QPCT: variants seen among roughly 807,000 people sequenced by gnomAD.
The protein encoded by QPCT is glutaminyl-peptide cyclotransferase, also known as EC.
In QPCT, 44 loss-of-function variants were observed where a neutral mutation model predicts 43.4. That is an observed-to-expected ratio of 1.01 (90% CI 0.80 to 1.30). QPCT has a LOEUF of 1.30. QPCT is among the 50% of genes most tolerant of loss of function. The pLI is 0.00. For missense variants in QPCT, 526 were observed against 436.5 expected (o/e 1.21, Z -1.83); for synonymous variants, 168 against 168.4 (o/e 1.00, Z 0.02).
At chr2:37,352,680 A>T in intron 1 of QPCT, 109 bp from the exon 2 acceptor site, 1 of 1,359,332 alleles carries the variant, frequency 7.4e-7, no homozygotes, top group Non-Finnish European at 1.0e-6. Context: ...CTCATTTGAC[A>T]TAAAGTTCTC....
chr2:37,372,180 A>G (rs1207520846), intron 5 of QPCT, among the ~76,000 whole-genome samples, 176 bp from the exon 6 acceptor site: 1 of 152,122 alleles, frequency 6.6e-6, no homozygotes, highest in Non-Finnish European at 1.5e-5. Context: ...AAGTGTACAC[A>G]TCCCTGTTCA....
chr2:37,372,893 A>C lies in QPCT; in HGVS notation c.*66A>C, dbSNP rs991877032. ...TTCAAAAGTCAAGGCATCATTTAAA[A>C]TAATCTGATTTCAGACAAATGCTGT... is the stretch of plus-strand genomic sequence containing the variant. On this transcript the variant is annotated 3_prime_UTR_variant, in exon 7 of 7. Transcript: ENST00000338415. The C allele has an allele frequency of 7.8e-6, 11 of 1,405,956 alleles. No individual in the cohort carries two copies. The highest frequency in any genetic ancestry group is 1.1e-5 in the Non-Finnish European group (11 of 1,029,864). 87.1% of individuals were successfully genotyped at this position (1,405,956 alleles called of 1,614,324 possible). A position where few individuals can be genotyped will look rare whatever the true frequency, so the allele number is the denominator to read the frequency against.
chr2:37,349,148 A>G (rs541326320), intron 1 of QPCT, among the ~76,000 whole-genome samples: 1 of 152,286 alleles, frequency 6.6e-6, no homozygotes, highest in South Asian at 2.1e-4. Context: ...TCTGTCCTTC[A>G]GTTACTGGGA....
intron 1 of QPCT, among the ~76,000 whole-genome samples, chr2:37,349,359 T>G (rs1435449186): frequency 1.3e-5 from 2 of 152,246 alleles, no homozygotes. Flanking sequence ...ATTAAGCATT[T>G]TTTGGTGCTA....
chr2:37,369,844 T>A, intron 5 of QPCT, 60 bp downstream of exon 5: 1 of 1,417,120 alleles, frequency 7.1e-7, no homozygotes, highest in Admixed American at 1.7e-5. Context: ...AGATACTACA[T>A]TTTTAACATT....
chr2:37,359,268 A>G (rs1672813166), intron 2 of QPCT, among the ~76,000 whole-genome samples: 1 of 152,208 alleles, frequency 6.6e-6, no homozygotes, highest in Admixed American at 6.5e-5. Context: ...TGCATAAGCA[A>G]GGAGAAGATA....
At chr2:37,358,696 G>C (rs1202080291) in intron 2 of QPCT, 1 of 152,228 alleles carries the variant, frequency 6.6e-6, no homozygotes, top group Non-Finnish European at 1.5e-5. Flanking sequence ...GGCCAGCAGA[G>C]ATGGGGAAAG....
Position 37,372,855 on chromosome 2 carries a change from T to G in QPCT, c.*28T>G. 1 of 1,559,860 alleles carries G rather than the reference T, an allele frequency of 6.4e-7. No individual in the cohort carries two copies. The highest frequency in any genetic ancestry group is 1.2e-5 in the South Asian group (1 of 83,784). Reference sequence around the variant, plus strand: ...CTCTGATTTAGTTTAGGATAATTGGTTCTAGAATTGAATTCAAAAGTCAAG... The same window carrying G: ...CTCTGATTTAGTTTAGGATAATTGGGTCTAGAATTGAATTCAAAAGTCAAG... On this transcript the variant is annotated 3_prime_UTR_variant, in exon 7 of 7. Coordinates refer to ENST00000338415, the MANE Select transcript of QPCT (RefSeq NM_012413.4).
At chr2:37,359,241 G>T (rs1042875544) in intron 2 of QPCT, among the ~76,000 whole-genome samples, 6 of 152,098 alleles carry the variant, frequency 3.9e-5, no homozygotes, top group African/African-American at 1.4e-4. Context: ...ATATGTGTTT[G>T]TATGCTACTG....
Position 37,344,644 on chromosome 2 carries a change from TGGA to T in QPCT, c.-86_-84del. 4 of 1,501,232 alleles carry T rather than the reference TGGA, an allele frequency of 2.7e-6. No individual in the cohort carries two copies. Among genetic ancestry groups the T allele is most frequent in the Non-Finnish European group, 3.6e-6 (4 of 1,124,964 alleles). 93.0% of individuals were successfully genotyped at this position (1,501,232 alleles called of 1,614,324 possible). On this transcript the variant is annotated 5_prime_UTR_variant, in exon 1 of 7. Transcript: ENST00000338415. ...AAGGCGGGCGCAGTCGACCCAAGGG[TGGA>T]GAAGAGGGAAGGCGAAGGACGCGCG...
chr2:37,369,429 T>G (rs1375094085), intron 4 of QPCT, among the ~76,000 whole-genome samples: 2 of 152,260 alleles, frequency 1.3e-5, no homozygotes, highest in African/African-American at 4.8e-5. Context: ...TAATTTATCC[T>G]TAGTGATATC....
chr2:37,346,279 A>C (rs890812709), intron 1 of QPCT, among the ~76,000 whole-genome samples: 2 of 152,246 alleles, frequency 1.3e-5, no homozygotes, highest in Non-Finnish European at 2.9e-5. Flanking sequence ...CATAAGAATA[A>C]CTTTATTTTA....
chr2:37,352,944 A>T lies in QPCT; in HGVS notation c.267+9A>T, dbSNP rs1017123014. The T allele has an allele frequency of 1.2e-6, 2 of 1,608,954 alleles. No homozygotes were observed. Among genetic ancestry groups the T allele is most frequent in the South Asian group, 1.1e-5 (1 of 90,808 alleles). On this transcript the variant is annotated intron_variant, in intron 2 of 6. Transcript: ENST00000338415. ...GCTATGCTGCTCGTCAGGTGAGAAC[A>T]TGGGACACAAACCTCAAGCTTGTGT... is the stretch of plus-strand genomic sequence containing the variant.
chr2:37,353,012 T>C lies in QPCT; in HGVS notation c.267+77T>C, dbSNP rs551802910. The C allele has an allele frequency of 2.7e-6, 4 of 1,490,862 alleles. No homozygotes were observed. In the African/African-American group the frequency reaches 5.6e-5, roughly 21 times the overall value. The allele number at this position is 1,490,862 out of a possible 1,614,324, so 92.4% of individuals were successfully genotyped here. ...ATGAGGGATAATGTTATGGCTGAAG[T>C]TCTGAGGTGTCTAATATTCAGATCT... On this transcript the variant is annotated intron_variant, in intron 2 of 6. Transcript: ENST00000338415.
At chr2:37,368,265 C>G (rs552442254) in intron 4 of QPCT, 4 of 244,622 alleles carry the variant, frequency 1.6e-5, no homozygotes, top group Non-Finnish European at 3.3e-5. Context: ...GTGCAACACA[C>G]AGCCTCATTT....
chr2:37,372,630 G>C (rs757378433), intron 6 of QPCT, 52 bp from the exon 7 acceptor site: 3 of 1,575,618 alleles, frequency 1.9e-6, no homozygotes, highest in Non-Finnish European at 2.6e-6. Flanking sequence ...ACCCTTTCTA[G>C]TTTACTCACT....
chr2:37,359,395 G>C (rs1379908840), intron 2 of QPCT, among the ~76,000 whole-genome samples, 185 bp from the exon 3 acceptor site: 1 of 152,144 alleles, frequency 6.6e-6, no homozygotes, highest in Non-Finnish European at 1.5e-5. Context: ...CTTTAAACAG[G>C]ACAAATGCTA....
Position 37,372,859 on chromosome 2 carries a change from AG to A in QPCT, c.*33del, listed in dbSNP as rs764702937. 6.4e-7 allele frequency: 1 copy of A among 1,553,054 alleles called. No homozygotes were observed. The highest frequency in any genetic ancestry group is 1.4e-5 in the African/African-American group (1 of 72,720). ...GATTTAGTTTAGGATAATTGGTTCT[AG>A]AATTGAATTCAAAAGTCAAGGCATC... is the stretch of plus-strand genomic sequence containing the variant. On this transcript the variant is annotated 3_prime_UTR_variant, in exon 7 of 7. Transcript: ENST00000338415.
chr2:37,371,431 C>CAAAAAAAAAAAAA lies in QPCT; in HGVS notation c.824-916_824-904dup, dbSNP rs3050580. ...CCTGGGCGACAGCGAGACTCCATCT[C>CAAAAAAAAAAAAA]AAAAAAAAAAAAAAAAAAAAAGAAA... On this transcript the variant is annotated intron_variant, in intron 5 of 6. Transcript: ENST00000338415. Among the ~76,000 whole-genome samples, 22 of 69,352 alleles carry CAAAAAAAAAAAAA rather than the reference C, an allele frequency of 3.2e-4. 1 individual carries two copies. Among genetic ancestry groups the CAAAAAAAAAAAAA allele is most frequent in the Admixed American group, 9.3e-4 (5 of 5,370 alleles). The allele number at this position is 69,352 out of a possible 152,430, so 45.5% of individuals were successfully genotyped here.
Sources: gnomAD v4.1 joint callset for allele counts (sites outside exome capture counted in the v4.1 genomes callset) on GRCh38, gnomAD v4.1.1 for gene constraint, MANE v1.5 for transcripts, NCBI Gene and HGNC (gene_info 2026-07-23, HGNC 2026-07-21) for gene names.